Variants in ERC2 observed in about 807,000 individuals in gnomAD.
ERC2 encodes the protein ERC protein 2.
ERC2 carries 42 observed loss-of-function variants against 114.8 expected under a neutral mutation model. The observed-to-expected ratio is 0.37, with a 90% CI of 0.29 to 0.47. ERC2 has a LOEUF of 0.47. ERC2 is among the 20% of genes least tolerant of loss of function. The pLI, the probability that ERC2 is intolerant of heterozygous loss-of-function variation, is 0.99. For missense variants in ERC2, 939 were observed against 1,150.7 expected, an observed-to-expected ratio of 0.82 and a Z score of 2.66; for synonymous variants, 454 against 425.5, an observed-to-expected ratio of 1.07 and a Z score of -0.82.
chr3:56,228,549 CT>C (rs1479015426), intron 3 of ERC2, among the ~76,000 whole-genome samples: 6 of 152,166 alleles, frequency 3.9e-5, no homozygotes, highest in Non-Finnish European at 8.8e-5. Context: ...CATTTTAAGT[CT>C]GAATAATATT....
intron 15 of ERC2, among the ~76,000 whole-genome samples, chr3:55,717,959 C>T (rs945505709): frequency 2.6e-5 from 4 of 152,112 alleles, no homozygotes; most frequent in African/African-American, 9.7e-5. Context: ...GTGCTCAGTG[C>T]ACAGGGACTA....
At chr3:56,148,292 CTTTT>C (rs898847095) in intron 5 of ERC2, among the ~76,000 whole-genome samples, 1 of 148,504 alleles carries the variant, frequency 6.7e-6, no homozygotes, top group East Asian at 2.0e-4. Context: ...AGCTTAATAA[CTTTT>C]TTTTTTTGAG....
At chr3:56,278,365 G>T (rs2054144199) in intron 3 of ERC2, among the ~76,000 whole-genome samples, 1 of 152,194 alleles carries the variant, frequency 6.6e-6, no homozygotes, top group East Asian at 1.9e-4. Flanking sequence ...GGGAAATTCA[G>T]CTAAATAATT....
intron 2 of ERC2, among the ~76,000 whole-genome samples, chr3:56,395,875 G>A (rs566231884): frequency 6.6e-6 from 1 of 152,214 alleles, no homozygotes; most frequent in Admixed American, 6.5e-5. Flanking sequence ...CCTTGAATGA[G>A]ATGTCCAGGA....
chr3:56,072,511 C>A (rs768889724), intron 7 of ERC2: 2 of 152,104 alleles, frequency 1.3e-5, no homozygotes, highest in Non-Finnish European at 2.9e-5. Flanking sequence ...AAGAATTTGG[C>A]AAATCACAAA....
chr3:55,981,611 G>A, intron 12 of ERC2, among the ~76,000 whole-genome samples: 1 of 152,126 alleles, frequency 6.6e-6, no homozygotes, highest in East Asian at 1.9e-4. Context: ...AGGAGGAGGG[G>A]GAGGAGAGGG....
At chr3:56,313,124 G>C (rs1301551836) in intron 2 of ERC2, among the ~76,000 whole-genome samples, 1 of 140,744 alleles carries the variant, frequency 7.1e-6, no homozygotes, top group Non-Finnish European at 1.5e-5. Context: ...CCATAAAAAA[G>C]TAATATGAAT....
At chr3:56,173,045 C>A (rs1287325830) in intron 4 of ERC2, among the ~76,000 whole-genome samples, 1 of 152,124 alleles carries the variant, frequency 6.6e-6, no homozygotes, top group Non-Finnish European at 1.5e-5. Context: ...ATTAACAATA[C>A]CACTGCATGT....
intron 3 of ERC2, among the ~76,000 whole-genome samples, chr3:56,283,797 C>T (rs1020358485): frequency 3.3e-5 from 5 of 151,960 alleles, no homozygotes; most frequent in East Asian, 3.9e-4. Context: ...GCTGGACAAG[C>T]GGTACAAAAA....
chr3:56,319,807 T>TAA (rs981147976), intron 2 of ERC2, among the ~76,000 whole-genome samples: 49 of 151,848 alleles, frequency 3.2e-4, no homozygotes, highest in African/African-American at 1.2e-3. Context: ...CCCATCTCTA[T>TAA]AAAAAACAAA....
rs570748171 is a variant in ERC2 at position 56,456,530 on chromosome 3, T to A, written c.-141+11718A>T. ...AATTCCATCTTGCTCTTTAATATAA[T>A]CCCTAAAGCTTTTTTCCAACATTTC... On this transcript the variant is annotated intron_variant, in intron 1 of 17. Transcript: ENST00000288221. 3.8e-3 allele frequency among the ~76,000 whole-genome samples: 584 copies of A among 152,312 alleles called. 4 individuals carry two copies. Among genetic ancestry groups the A allele is most frequent in the African/African-American group, 0.013 (558 of 41,562 alleles).
intron 10 of ERC2, among the ~76,000 whole-genome samples, chr3:56,005,706 C>T (rs1350062405): frequency 2.6e-5 from 4 of 152,042 alleles, no homozygotes; most frequent in Non-Finnish European, 5.9e-5. Context: ...ACTCAGCACA[C>T]TGTGACTAAG....
At chr3:56,430,982 T>C (rs2061765307) in intron 2 of ERC2, among the ~76,000 whole-genome samples, 2 of 152,142 alleles carry the variant, frequency 1.3e-5, no homozygotes, top group Non-Finnish European at 2.9e-5. Context: ...CCTTAAGACC[T>C]AGCTATGCTG....
At chr3:56,112,684 C>T (rs753972272) in intron 6 of ERC2, among the ~76,000 whole-genome samples, 4 of 152,052 alleles carry the variant, frequency 2.6e-5, no homozygotes, top group Non-Finnish European at 5.9e-5. Context: ...ATGCACTTCA[C>T]TAAGTTCATA....
intron 7 of ERC2, among the ~76,000 whole-genome samples, chr3:56,068,029 G>C (rs1425484079): frequency 1.3e-5 from 2 of 152,098 alleles, no homozygotes; most frequent in Admixed American, 6.5e-5. Flanking sequence ...GCCAGATTTT[G>C]GTATCAGGAT....
At chr3:55,979,387 T>G (rs995475898) in intron 12 of ERC2, among the ~76,000 whole-genome samples, 1 of 152,336 alleles carries the variant, frequency 6.6e-6, no homozygotes, top group Admixed American at 6.5e-5. Context: ...AGTAAAAATT[T>G]GCCAAGCAAT....
chr3:55,588,864 C>T (rs1019434743), intron 17 of ERC2, among the ~76,000 whole-genome samples: 5 of 152,056 alleles, frequency 3.3e-5, no homozygotes, highest in Non-Finnish European at 5.9e-5. Flanking sequence ...ACTGGCTACA[C>T]CAGCCTGCCT....
At chr3:55,865,631 C>T (rs1164863696) in intron 14 of ERC2, among the ~76,000 whole-genome samples, 3 of 152,126 alleles carry the variant, frequency 2.0e-5, no homozygotes, top group Non-Finnish European at 4.4e-5. Context: ...TCTCCTTCCA[C>T]CAGCCCTAGG....
intron 14 of ERC2, among the ~76,000 whole-genome samples, chr3:55,779,275 A>G (rs1347006742): frequency 6.8e-6 from 1 of 146,676 alleles, no homozygotes; most frequent in African/African-American, 2.5e-5. Context: ...TGAGGTCAGG[A>G]GTTCAAAACC....
Sources: gnomAD v4.1 joint callset for allele counts (sites outside exome capture counted in the v4.1 genomes callset) on GRCh38, gnomAD v4.1.1 for gene constraint, MANE v1.5 for transcripts, NCBI Gene and HGNC (gene_info 2026-07-23, HGNC 2026-07-21) for gene names.